Variants in UBE2N observed in about 807,000 individuals in gnomAD.
UBE2N encodes the protein ubiquitin conjugating enzyme E2 N.
For missense variants in UBE2N, 60 were observed against 192.1 expected, an observed-to-expected ratio of 0.31 and a Z score of 4.07; for synonymous variants, 70 against 69.2, an observed-to-expected ratio of 1.01 and a Z score of -0.06.
intron 1 of UBE2N, among the ~76,000 whole-genome samples, chr12:93,416,325 T>A (rs1038381310): frequency 1.3e-5 from 2 of 152,210 alleles, no homozygotes; most frequent in African/African-American, 4.8e-5. Flanking sequence ...CGGCCACTAT[T>A]CAACACATGA....
At chr12:93,413,655 C>T (rs1878103540) in intron 1 of UBE2N, among the ~76,000 whole-genome samples, 1 of 152,156 alleles carries the variant, frequency 6.6e-6, no homozygotes, top group South Asian at 2.1e-4. Context: ...CCTTCATATG[C>T]CACACACATC....
At position 93,411,338 on chromosome 12, in the gene UBE2N, C is replaced by A; in HGVS notation, c.31-39G>T. 1.9e-6 allele frequency: 3 copies of A among 1,556,454 alleles called. No individual in the cohort carries two copies. In the South Asian group the frequency reaches 3.7e-5, roughly 19 times the overall value. ...ACAAACACATTTGTGAAACAAATGT[C>A]ATTTTGCTAGACACCAAAAGTAAAA... On this transcript the variant is annotated intron_variant, in intron 1 of 3. Transcript: ENST00000318066.
At chr12:93,431,985 G>A (rs1361059280) in intron 1 of UBE2N, among the ~76,000 whole-genome samples, 2 of 152,174 alleles carry the variant, frequency 1.3e-5, no homozygotes, top group African/African-American at 4.8e-5. Context: ...TGTAATCCCA[G>A]CACTCTGGGA....
intron 1 of UBE2N, among the ~76,000 whole-genome samples, chr12:93,439,622 T>C (rs552393039): frequency 2.6e-5 from 4 of 152,218 alleles, no homozygotes; most frequent in Non-Finnish European, 5.9e-5. Flanking sequence ...TGTATAGTGA[T>C]TGACAGAAAA....
chr12:93,415,748 G>GA (rs1006261392), intron 1 of UBE2N, among the ~76,000 whole-genome samples: 35 of 151,520 alleles, frequency 2.3e-4, no homozygotes, highest in African/African-American at 7.5e-4. Context: ...TGGGTGACTG[G>GA]AAAAAAAAGA....
intron 1 of UBE2N, among the ~76,000 whole-genome samples, chr12:93,433,224 C>T (rs902277057): frequency 6.6e-6 from 1 of 151,978 alleles, no homozygotes; most frequent in Non-Finnish European, 1.5e-5. Flanking sequence ...TGAGCCACCG[C>T]GCCTGGCCAG....
intron 3 of UBE2N, 138 bp from the exon 4 acceptor site, chr12:93,410,217 A>T: frequency 1.3e-6 from 1 of 794,092 alleles, no homozygotes; most frequent in Non-Finnish European, 2.0e-6. Context: ...TTTTTCTATA[A>T]ATTGGATCAG....
intron 1 of UBE2N, among the ~76,000 whole-genome samples, chr12:93,434,800 C>A (rs973721264): frequency 6.6e-6 from 1 of 151,782 alleles, no homozygotes; most frequent in Non-Finnish European, 1.5e-5. Flanking sequence ...ACCACTGTTC[C>A]TAGTCAAATT....
chr12:93,437,483 T>C (rs1290485064), intron 1 of UBE2N, among the ~76,000 whole-genome samples: 1 of 152,126 alleles, frequency 6.6e-6, no homozygotes, highest in Non-Finnish European at 1.5e-5. Flanking sequence ...TCTGGTCTTC[T>C]TGTAAGGATA....
chr12:93,410,161 C>G, intron 3 of UBE2N, 82 bp from the exon 4 acceptor site: 1 of 1,332,436 alleles, frequency 7.5e-7, no homozygotes, highest in Non-Finnish European at 1.1e-6. Flanking sequence ...CAAACAACCA[C>G]TATTAATTAT....
intron 1 of UBE2N, among the ~76,000 whole-genome samples, chr12:93,441,571 G>A (rs895557872): frequency 6.6e-6 from 1 of 151,958 alleles, no homozygotes; most frequent in African/African-American, 2.4e-5. Flanking sequence ...CAGCCTTGCC[G>A]CCCCACCCTC....
In UBE2N at chr12:93,409,043, T is replaced by C. The variant is rs1238545266; in HGVS notation, c.*996A>G. Reference sequence around the variant, plus strand: ...TTTCCTGTACAGTAATTTTTAAACATTGTGGCAAGACACCAATGATCATCT... The same window carrying C: ...TTTCCTGTACAGTAATTTTTAAACACTGTGGCAAGACACCAATGATCATCT... On this transcript the variant is annotated 3_prime_UTR_variant, in exon 4 of 4. Transcript: ENST00000318066. 5 of 152,782 alleles carry C rather than the reference T, an allele frequency of 3.3e-5. No homozygotes were observed. Among genetic ancestry groups the C allele is most frequent in the East Asian group, 1.9e-4 (1 of 5,182 alleles). The allele number at this position is 152,782 out of a possible 1,614,324, so 9.5% of individuals were successfully genotyped here.
rs1419551982 is a variant in UBE2N at position 93,408,412 on chromosome 12, A to AT, written c.*1626dup. ...TTTAATAGTTAATTCTTCATCTTAC[A>AT]TAGGAGCACAATAAAATACACCACA... On this transcript the variant is annotated 3_prime_UTR_variant, in exon 4 of 4. Coordinates refer to ENST00000318066, the MANE Select transcript of UBE2N (RefSeq NM_003348.4). The AT allele has an allele frequency of 1.1e-4, 17 of 152,252 alleles. No homozygotes were observed. The highest frequency in any genetic ancestry group is 4.1e-4 in the African/African-American group (17 of 41,464). The allele number at this position is 152,252 out of a possible 1,614,324, so 9.4% of individuals were successfully genotyped here.
intron 1 of UBE2N, among the ~76,000 whole-genome samples, chr12:93,439,724 A>G (rs1185655968): frequency 6.6e-6 from 1 of 152,214 alleles, no homozygotes; most frequent in African/African-American, 2.4e-5. Flanking sequence ...GACACTTTTA[A>G]AAATCTAGTC....
At chr12:93,417,219 T>C (rs1159210378) in intron 1 of UBE2N, among the ~76,000 whole-genome samples, 2 of 152,172 alleles carry the variant, frequency 1.3e-5, no homozygotes, top group Non-Finnish European at 2.9e-5. Context: ...TTAAAAGGAA[T>C]CAAATATCAC....
Position 93,432,887 on chromosome 12 carries a change from T to G in UBE2N, c.30+8968A>C, listed in dbSNP as rs140994625. 3.6e-3 allele frequency among the ~76,000 whole-genome samples: 546 copies of G among 152,086 alleles called. 5 individuals carry two copies. Among genetic ancestry groups the G allele is most frequent in the African/African-American group, 0.012 (492 of 41,482 alleles). Reference sequence around the variant, plus strand: ...TTACTGGCCAATTCAAAACCAAAAATGTCTGTGCCTAAGTACTCAAGAAAT... The same window carrying G: ...TTACTGGCCAATTCAAAACCAAAAAGGTCTGTGCCTAAGTACTCAAGAAAT... On this transcript the variant is annotated intron_variant, in intron 1 of 3. Coordinates refer to ENST00000318066, the MANE Select transcript of UBE2N (RefSeq NM_003348.4).
chr12:93,429,212 G>C (rs1042150731), intron 1 of UBE2N: 3 of 345,520 alleles, frequency 8.7e-6, no homozygotes, highest in African/African-American at 2.2e-5. Flanking sequence ...GGAGGTTGCA[G>C]TGAGCCAAGA....
chr12:93,410,356 A>G (rs1877997140), intron 3 of UBE2N: 1 of 492,434 alleles, frequency 2.0e-6, no homozygotes, highest in Non-Finnish European at 3.6e-6. Context: ...AATTTTCTTA[A>G]AATCTGTAGC....
chr12:93,431,038 C>A (rs1565797406), intron 1 of UBE2N, among the ~76,000 whole-genome samples: 2 of 151,412 alleles, frequency 1.3e-5, no homozygotes, highest in Non-Finnish European at 2.9e-5. Context: ...ACCAGCCTGG[C>A]CAACATGGTG....
Sources: gnomAD v4.1 joint callset for allele counts (sites outside exome capture counted in the v4.1 genomes callset) on GRCh38, gnomAD v4.1.1 for gene constraint, MANE v1.5 for transcripts, NCBI Gene and HGNC (gene_info 2026-07-23, HGNC 2026-07-21) for gene names.